Variants in RCC1 observed in about 807,000 individuals in gnomAD.
RCC1 encodes regulator of chromosome condensation.
In RCC1, 11 loss-of-function variants were observed where a neutral mutation model predicts 44.4. The observed-to-expected ratio is 0.25, with a 90% CI of 0.16 to 0.41. The LOEUF is 0.41. Ranked by LOEUF, RCC1 falls within the 10% of genes least tolerant of loss-of-function variation. RCC1 has a pLI of 1.00. For synonymous variants in RCC1, 213 were observed against 216.5 expected (o/e 0.98, Z 0.14); for missense variants, 386 against 547.1 (o/e 0.71, Z 2.94).
chr1:28,530,628 C>G, intron 5 of RCC1: 3 of 1,590,646 alleles, frequency 1.9e-6, no homozygotes, highest in Non-Finnish European at 2.6e-6. Context: ...GGCTCCGCGC[C>G]CGGGGCGCCC....
chr1:28,524,429 C>T (rs139370151), intron 4 of RCC1, among the ~76,000 whole-genome samples: 2 of 152,176 alleles, frequency 1.3e-5, no homozygotes, highest in Non-Finnish European at 1.5e-5. Flanking sequence ...TGCTGTGGCA[C>T]GTGCCCATGA....
chr1:28,538,577 A>G lies in RCC1; in HGVS notation c.*570A>G, dbSNP rs1664700540. 1 of 152,324 alleles carries G rather than the reference A, an allele frequency of 6.6e-6. No individual in the cohort carries two copies. The highest frequency in any genetic ancestry group is 6.5e-5 in the Admixed American group (1 of 15,276). 9.4% of individuals were successfully genotyped at this position (152,324 alleles called of 1,614,324 possible). On this transcript the variant is annotated 3_prime_UTR_variant, in exon 13 of 13. Coordinates refer to ENST00000683442, the MANE Select transcript of RCC1 (RefSeq NM_001381865.2). ...AGAACAGGTGTCCATGGGACAAAAA[A>G]GAACGATCCTCCACTTGACCAAGAA... is the stretch of plus-strand genomic sequence containing the variant.
rs746676929 is a variant in RCC1 at position 28,536,768 on chromosome 1, G to A, written c.959G>A (p.Arg320Gln). Residue 320 changes from arginine to glutamine, a missense_variant, in exon 12 of 13, where the codon CGG becomes CAG. Arg to Gln is a conservative substitution (Grantham distance 43, BLOSUM62 1). Coordinates refer to ENST00000683442, the MANE Select transcript of RCC1 (RefSeq NM_001381865.2). This position sits in a 1 kb window ranked among gnomAD's most constrained non-coding sequence, Gnocchi z 4.9. The part of the protein sequence containing the change: ...DSEGKAYSLG[R>Q]AEYGRLGLGE... The stretch of plus-strand genomic sequence containing the variant: ...ATAGGAAAAGCATACAGCCTGGGCC[G>A]GGCTGAGTATGGGCGGCTGGGCCTT... 6 of 1,613,970 alleles carry A rather than the reference G, an allele frequency of 3.7e-6. No individual in the cohort carries two copies. Among genetic ancestry groups the A allele is most frequent in the East Asian group, 4.5e-5 (2 of 44,888 alleles).
intron 4 of RCC1, among the ~76,000 whole-genome samples, chr1:28,524,801 C>T (rs552834571): frequency 6.6e-6 from 1 of 152,164 alleles, no homozygotes; most frequent in Admixed American, 6.6e-5. Context: ...ATGACCATGC[C>T]ACTGCACTCA....
intron 4 of RCC1, among the ~76,000 whole-genome samples, chr1:28,525,273 C>T (rs900682673): frequency 3.9e-5 from 6 of 152,206 alleles, no homozygotes; most frequent in South Asian, 2.1e-4. Flanking sequence ...AGACACAGGT[C>T]GCGGCGCCAG....
At chr1:28,524,536 G>C (rs1663519573) in intron 4 of RCC1, among the ~76,000 whole-genome samples, 1 of 152,044 alleles carries the variant, frequency 6.6e-6, no homozygotes, top group Non-Finnish European at 1.5e-5. Context: ...CAGCCTAGGT[G>C]ACAGAGTGAG....
chr1:28,513,872 A>G (rs577842529), intron 3 of RCC1, among the ~76,000 whole-genome samples: 266 of 152,298 alleles, frequency 1.7e-3, no homozygotes, highest in African/African-American at 6.1e-3. Context: ...GGCATGAGTC[A>G]CCATGCCCAG....
chr1:28,532,266 G>C lies in RCC1; in HGVS notation c.357G>C (p.Glu119Asp). The C allele has an allele frequency of 6.2e-7, 1 of 1,614,192 alleles. No individual in the cohort carries two copies. Among genetic ancestry groups the C allele is most frequent in the Non-Finnish European group, 8.5e-7 (1 of 1,180,030 alleles). The change falls in exon 7 of 13, where the codon GAG (glutamate) becomes GAC (aspartate). Residue 119 changes from glutamate to aspartate, a missense_variant. Coordinates refer to ENST00000683442, the MANE Select transcript of RCC1 (RefSeq NM_001381865.2). ...TCCCTGGGAAAGTGGAGCTGCAAGA[G>C]AAGGTGGTACAGGTGTCAGCAGGAG... ...EMVPGKVELQ[E>D]KVVQVSAGDS...
At chr1:28,509,076 T>G (rs1043876081) in intron 3 of RCC1, 171 bp downstream of exon 3, 1 of 361,080 alleles carries the variant, frequency 2.8e-6, no homozygotes, top group African/African-American at 2.1e-5. Flanking sequence ...TAGCTGGGAT[T>G]ACAAACATAA....
rs559142177 is a variant in RCC1, at chr1:28,515,587, C to T, written c.-152-1138C>T. On this transcript the variant is annotated intron_variant, in intron 3 of 12. Coordinates refer to ENST00000683442, the MANE Select transcript of RCC1 (RefSeq NM_001381865.2). ...CAAAAATGAGCCGGGCATGGTGGTG[C>T]GTGTCTGTAATCCCAGCTACTCTGG... Among the ~76,000 whole-genome samples, 15 of 150,028 alleles carry T rather than the reference C, an allele frequency of 1.0e-4. No individual in the cohort carries two copies. The South Asian group carries it at 1.3e-3, about 13-fold the overall frequency.
chr1:28,530,550 T>C, intron 5 of RCC1: 1 of 1,606,038 alleles, frequency 6.2e-7, no homozygotes, highest in Non-Finnish European at 8.5e-7. Flanking sequence ...TCCCGCCGCG[T>C]TCCTGGCGCC....
intron 4 of RCC1, among the ~76,000 whole-genome samples, chr1:28,526,099 A>G (rs1404120078): frequency 1.3e-5 from 2 of 152,250 alleles, no homozygotes; most frequent in Non-Finnish European, 2.9e-5. Context: ...AGCCTGGGCA[A>G]CTTGGCAAAA....
intron 9 of RCC1, 164 bp from the exon 10 acceptor site, chr1:28,535,707 G>T: frequency 2.4e-6 from 2 of 835,136 alleles, no homozygotes; most frequent in South Asian, 1.4e-5. Flanking sequence ...TCTGAGCAAG[G>T]CACTTGTATT....
intron 3 of RCC1, among the ~76,000 whole-genome samples, chr1:28,511,317 A>G (rs1453090529): frequency 6.6e-6 from 1 of 152,138 alleles, no homozygotes; most frequent in Non-Finnish European, 1.5e-5. Context: ...CTCTAGATGG[A>G]GTGCAGCAGC....
At chr1:28,526,392 C>A in intron 4 of RCC1, 1 of 433,690 alleles carries the variant, frequency 2.3e-6, no homozygotes. Context: ...TAACAGCACA[C>A]CGAAGTCTCG....
At chr1:28,525,576 G>T (rs985536697) in intron 4 of RCC1, among the ~76,000 whole-genome samples, 1 of 152,154 alleles carries the variant, frequency 6.6e-6, no homozygotes, top group Non-Finnish European at 1.5e-5. Flanking sequence ...ACTTTTTAGT[G>T]TGGGACAAGG....
In RCC1 at chr1:28,508,563, C is replaced by T. The variant is rs1662224669; in HGVS notation, c.-228-267C>T. On this transcript the variant is annotated intron_variant, in intron 2 of 12. Transcript: ENST00000683442. ...AATTCCTCACTAATGAGCATTCCAA[C>T]GTGGATACCCTGGGAGGTCACTCTC... 2 of 518,242 alleles carry T rather than the reference C, an allele frequency of 3.9e-6. 1 individual carries two copies. Among genetic ancestry groups the T allele is most frequent in the Non-Finnish European group, 7.7e-6 (2 of 259,544 alleles). The allele number at this position is 518,242 out of a possible 1,614,324, so 32.1% of individuals were successfully genotyped here. A position where few individuals can be genotyped will look rare whatever the true frequency, so the allele number is the denominator to read the frequency against.
chr1:28,534,475 C>T (rs572125914), intron 7 of RCC1, among the ~76,000 whole-genome samples: 14 of 151,982 alleles, frequency 9.2e-5, no homozygotes, highest in African/African-American at 2.7e-4. Context: ...CCACCGCGCC[C>T]GGCCTCTTTT....
intron 4 of RCC1, among the ~76,000 whole-genome samples, chr1:28,519,946 G>A (rs972461770): frequency 2.6e-5 from 4 of 150,956 alleles, no homozygotes; most frequent in Non-Finnish European, 4.4e-5. Context: ...GCTCTCAGTC[G>A]CTGCAGCCTC....
Sources: allele counts gnomAD v4.1 joint callset (sites outside exome capture counted in the v4.1 genomes callset), GRCh38; gene constraint gnomAD v4.1.1; non-coding constraint Gnocchi (gnomAD v3.1); transcripts MANE v1.5; gene names NCBI Gene and HGNC (gene_info 2026-07-23, HGNC 2026-07-21).